Variants in ASH1L observed in about 807,000 individuals in gnomAD.
ASH1L encodes the protein ASH1 like histone lysine methyltransferase, also known as histone-lysine N-methyltransferase ASH1L.
A neutral mutation model predicts 269.0 loss-of-function variants in ASH1L; 23 were observed. The ratio of observed to expected loss-of-function variants is 0.09; its 90% confidence interval spans 0.06 to 0.12. The LOEUF (loss-of-function observed/expected upper bound fraction) is 0.12. Among genes scored for constraint, ASH1L ranks in the 10% least tolerant of loss-of-function variants. The pLI, the probability that ASH1L is intolerant of heterozygous loss-of-function variation, is 1.00. For synonymous variants in ASH1L, 1,187 were observed against 1,253.5 expected, an observed-to-expected ratio of 0.95 and a Z score of 1.12; for missense variants, 2,912 against 3,567.8, an observed-to-expected ratio of 0.82 and a Z score of 4.68.
chr1:155,448,814 C>A (rs1240977187), intron 4 of ASH1L, among the ~76,000 whole-genome samples: 4 of 151,334 alleles, frequency 2.6e-5, no homozygotes, highest in Admixed American at 6.6e-5. Flanking sequence ...CTTTCTAATG[C>A]AGGTTTTACT....
rs370941488 is a variant in ASH1L, at chr1:155,479,324, T to C, written c.3546A>G (p.Glu1182=). The C allele has an allele frequency of 1.4e-5, 23 of 1,614,030 alleles. No individual in the cohort carries two copies. The highest frequency in any genetic ancestry group is 1.8e-5 in the Non-Finnish European group (21 of 1,180,026). ...ACTCACTGATTGGGGAAGGAGTAGC[T>C]TCTTTTAGAGATGTGAGTTCACTCA... The part of the protein sequence containing the change: ...SHLSELTSLK[E]ATPSPISESH... The change falls in exon 3 of 28, where the codon GAA becomes GAG. Residue 1182 remains glutamate, a synonymous_variant. Transcript: ENST00000392403.
intron 4 of ASH1L, among the ~76,000 whole-genome samples, chr1:155,446,305 T>G (rs1392710423): frequency 6.7e-6 from 1 of 149,602 alleles, no homozygotes; most frequent in African/African-American, 2.4e-5. Flanking sequence ...ATTAAATTTT[T>G]TTTTTTTTTT....
At chr1:155,535,203 A>G (rs1669970284) in intron 1 of ASH1L, among the ~76,000 whole-genome samples, 1 of 152,038 alleles carries the variant, frequency 6.6e-6, no homozygotes, top group Non-Finnish European at 1.5e-5. Context: ...AAAAAAAAAA[A>G]AAGTAAAATC....
chr1:155,554,138 AGAGT>A (rs1235432904), intron 1 of ASH1L, among the ~76,000 whole-genome samples: 1 of 150,994 alleles, frequency 6.6e-6, no homozygotes, highest in African/African-American at 2.4e-5. Flanking sequence ...AGGCTGGAGT[AGAGT>A]GGTGCGATTA....
At chr1:155,453,052 C>G (rs1663607024) in intron 4 of ASH1L, among the ~76,000 whole-genome samples, 1 of 152,146 alleles carries the variant, frequency 6.6e-6, no homozygotes, top group Non-Finnish European at 1.5e-5. Flanking sequence ...TTTAAGACTA[C>G]TCATCACATG....
chr1:155,359,229 TGG>T (rs1449841709), intron 13 of ASH1L, among the ~76,000 whole-genome samples: 1 of 152,202 alleles, frequency 6.6e-6, no homozygotes, highest in Non-Finnish European at 1.5e-5. Flanking sequence ...CTTGAGTATG[TGG>T]GACTGTAGGT....
At chr1:155,386,069 A>ATT (rs200039089) in intron 7 of ASH1L, among the ~76,000 whole-genome samples, 24 of 139,722 alleles carry the variant, frequency 1.7e-4, no homozygotes, top group Middle Eastern at 3.6e-3. Context: ...TCCCTTGCCC[A>ATT]TTTTTTTTTT....
intron 20 of ASH1L, 144 bp downstream of exon 20, chr1:155,347,512 C>A: frequency 2.0e-6 from 2 of 1,022,666 alleles, no homozygotes; most frequent in East Asian, 2.4e-5. Flanking sequence ...ATATAGTAAA[C>A]ACAGAAACCT....
intron 4 of ASH1L, among the ~76,000 whole-genome samples, chr1:155,457,733 C>T (rs1027576012): frequency 1.9e-4 from 29 of 152,186 alleles, no homozygotes; most frequent in Non-Finnish European, 3.1e-4. Context: ...CTACTCACAG[C>T]AACCCTCAAC....
intron 5 of ASH1L, among the ~76,000 whole-genome samples, chr1:155,429,751 C>T: frequency 6.6e-6 from 1 of 152,066 alleles, no homozygotes; most frequent in East Asian, 1.9e-4. Context: ...TATATGGGTA[C>T]GACCTCTACA....
chr1:155,399,841 C>T (rs1322938161), intron 6 of ASH1L, among the ~76,000 whole-genome samples: 1 of 152,074 alleles, frequency 6.6e-6, no homozygotes, highest in African/African-American at 2.4e-5. Context: ...ACAGAGCAGA[C>T]ATCTAGGATA....
chr1:155,527,986 G>T (rs1263397364), intron 1 of ASH1L, among the ~76,000 whole-genome samples: 2 of 152,040 alleles, frequency 1.3e-5, no homozygotes, highest in African/African-American at 4.8e-5. Flanking sequence ...TCTACACTCA[G>T]TTCCCAAATG....
intron 3 of ASH1L, among the ~76,000 whole-genome samples, chr1:155,475,876 A>C (rs1184399807): frequency 1.3e-5 from 2 of 152,190 alleles, no homozygotes; most frequent in African/African-American, 4.8e-5. Flanking sequence ...AGTCCTTATC[A>C]CAATTTTAAC....
chr1:155,392,085 A>G lies in ASH1L; in HGVS notation c.6103+3374T>C, dbSNP rs542116328. Among the ~76,000 whole-genome samples, 16 of 152,334 alleles carry G rather than the reference A, an allele frequency of 1.1e-4. No individual in the cohort carries two copies. In the South Asian group the frequency reaches 3.3e-3, roughly 32 times the overall value. On this transcript the variant is annotated intron_variant, in intron 7 of 27. Coordinates refer to ENST00000392403, the MANE Select transcript of ASH1L (RefSeq NM_018489.3). Reference sequence around the variant, plus strand: ...CACTCTCTTCCGTGGGGTAGGCAGCAGCTGAAATCCCTACTTAGTATCTTT... The same window carrying G: ...CACTCTCTTCCGTGGGGTAGGCAGCGGCTGAAATCCCTACTTAGTATCTTT...
intron 10 of ASH1L, among the ~76,000 whole-genome samples, chr1:155,376,921 G>C (rs1217595179): frequency 4.0e-5 from 6 of 150,108 alleles, no homozygotes; most frequent in East Asian, 3.9e-4. Context: ...TTTTTTTTGG[G>C]GGGGAGATGG....
At chr1:155,495,061 T>A (rs866966223) in intron 2 of ASH1L, among the ~76,000 whole-genome samples, 34 of 152,252 alleles carry the variant, frequency 2.2e-4, no homozygotes, top group Admixed American at 2.1e-3. Flanking sequence ...GTTTGTTGGA[T>A]TGGAGTCACT....
intron 2 of ASH1L, among the ~76,000 whole-genome samples, chr1:155,494,896 T>A (rs1451613177): frequency 6.6e-6 from 1 of 151,462 alleles, no homozygotes; most frequent in African/African-American, 2.4e-5. Context: ...ACATTAAAGA[T>A]CATGAAGATT....
chr1:155,466,196 T>C (rs1664687391), intron 3 of ASH1L, among the ~76,000 whole-genome samples: 1 of 151,880 alleles, frequency 6.6e-6, no homozygotes, highest in Admixed American at 6.6e-5. Context: ...CTACTAAAAA[T>C]ACAAAAAATT....
chr1:155,359,032 A>G (rs1654699369), intron 13 of ASH1L, among the ~76,000 whole-genome samples: 1 of 152,130 alleles, frequency 6.6e-6, no homozygotes. Context: ...TGGTGGGAAG[A>G]TTGCTTAAGC....
Sources: gnomAD v4.1 joint callset for allele counts (sites outside exome capture counted in the v4.1 genomes callset) on GRCh38, gnomAD v4.1.1 for gene constraint, MANE v1.5 for transcripts, NCBI Gene and HGNC (gene_info 2026-07-23, HGNC 2026-07-21) for gene names.